Variants in AXIN1 observed in about 807,000 individuals in gnomAD.
The protein encoded by AXIN1 is axin-1.
AXIN1 carries 30 observed loss-of-function variants against 76.4 expected under a neutral mutation model. The ratio of observed to expected loss-of-function variants is 0.39; its 90% CI spans 0.29 to 0.53. The LOEUF (loss-of-function observed/expected upper bound fraction) is 0.53. Ranked by LOEUF, AXIN1 falls within the 20% of genes least tolerant of loss-of-function variation. AXIN1 has a pLI of 0.66. For missense variants in AXIN1, 1,140 were observed against 1,198.8 expected (o/e 0.95, Z 0.72); for synonymous variants, 545 against 501.4 (o/e 1.09, Z -1.16).
intron 7 of AXIN1, among the ~76,000 whole-genome samples, chr16:294,228 G>T (rs2052646736): frequency 6.6e-6 from 1 of 152,128 alleles, no homozygotes; most frequent in Non-Finnish European, 1.5e-5. Context: ...GGGAGGCCAA[G>T]GTGGGTGGAT....
At chr16:328,830 G>A (rs765298529) in intron 2 of AXIN1, among the ~76,000 whole-genome samples, 1 of 152,030 alleles carries the variant, frequency 6.6e-6, no homozygotes, top group Non-Finnish European at 1.5e-5. Context: ...GAGTGTGGCC[G>A]GGCACCCTGT....
At chr16:343,803 C>T (rs2053976639) in intron 2 of AXIN1, among the ~76,000 whole-genome samples, 1 of 151,562 alleles carries the variant, frequency 6.6e-6, no homozygotes, top group African/African-American at 2.4e-5. Flanking sequence ...TCCAGGAGCT[C>T]GAGACCATCC....
At chr16:326,457 T>C (rs1285527125) in intron 2 of AXIN1, among the ~76,000 whole-genome samples, 1 of 145,760 alleles carries the variant, frequency 6.9e-6, no homozygotes, top group East Asian at 2.1e-4. Flanking sequence ...TACTAAAAAA[T>C]GTGATTGAGA....
At chr16:303,048 G>A (rs2052916448) in intron 5 of AXIN1, among the ~76,000 whole-genome samples, 1 of 152,162 alleles carries the variant, frequency 6.6e-6, no homozygotes, top group South Asian at 2.1e-4. Context: ...TTTTTCTAGA[G>A]ACAGGAATTT....
At chr16:302,989 A>T (rs1055427406) in intron 5 of AXIN1, among the ~76,000 whole-genome samples, 1 of 151,912 alleles carries the variant, frequency 6.6e-6, no homozygotes, top group Non-Finnish European at 1.5e-5. Context: ...AGCTTCCTGA[A>T]TACCTGGGAC....
intron 2 of AXIN1, among the ~76,000 whole-genome samples, chr16:317,493 T>G (rs890724700): frequency 1.3e-5 from 2 of 152,244 alleles, no homozygotes; most frequent in Non-Finnish European, 2.9e-5. Flanking sequence ...CGAGTCCCTC[T>G]GACCCACCCA....
At chr16:297,035 G>T (rs2141501647) in intron 7 of AXIN1, 21 bp downstream of exon 7, 1 of 1,608,184 alleles carries the variant, frequency 6.2e-7, no homozygotes. Flanking sequence ...CCACGAGGCT[G>T]GCTGCGTGCG....
chr16:310,157 G>A, intron 3 of AXIN1, 88 bp from the exon 4 acceptor site: 3 of 1,249,628 alleles, frequency 2.4e-6, no homozygotes, highest in South Asian at 1.3e-5. Context: ...CCGACCGCCG[G>A]TCAGCAGGCA....
At chr16:331,525 C>T (rs1471590281) in intron 2 of AXIN1, among the ~76,000 whole-genome samples, 1 of 152,142 alleles carries the variant, frequency 6.6e-6, no homozygotes. Flanking sequence ...TTTTTTTCTG[C>T]TTCTTTTAAA....
chr16:352,293 C>A, intron 1 of AXIN1, 76 bp downstream of exon 1: 13 of 882,272 alleles, frequency 1.5e-5, no homozygotes, highest in African/African-American at 1.8e-5. Context: ...CAGCCACCCG[C>A]GCCCCCCGCC....
At position 287,824 on chromosome 16, in the gene AXIN1, G is replaced by T; in HGVS notation, c.*298C>A. The T allele has an allele frequency of 2.0e-6, 1 of 511,564 alleles. No individual in the cohort carries two copies. The highest frequency in any genetic ancestry group is 3.6e-6 in the Non-Finnish European group (1 of 281,010). 31.7% of individuals were successfully genotyped at this position (511,564 alleles called of 1,614,324 possible). The stretch of plus-strand genomic sequence containing the variant: ...ACACGTGCCCAAGGGAGGTGCCGGG[G>T]GATGGGGGGGGGTCACCTGAAGCTG... On this transcript the variant is annotated 3_prime_UTR_variant, in exon 11 of 11. Transcript: ENST00000262320.
Position 310,026 on chromosome 16 carries a change from C to T in AXIN1, c.1063G>A (p.Glu355Lys), listed in dbSNP as rs1391128540. The change falls in exon 4 of 11, where the codon GAG becomes AAG. Residue 355 changes from glutamate to lysine, a missense_variant. By Grantham distance (56) the Glu-to-Lys change is moderately conservative. This residue lies in a region of AXIN1 where 708 missense variants were observed against 776.9 expected (regional missense o/e 0.91). Transcript: ENST00000262320. ...PYRIRKQHRR[E>K]MQESVQVNGR... The stretch of plus-strand genomic sequence containing the variant: ...TTGACCTGCACGCTCTCCTGCATCT[C>T]CCTGCGGTGCTGCTTACGGATCCTG... 6.2e-6 allele frequency: 10 copies of T among 1,613,296 alleles called. No individual in the cohort carries two copies. The highest frequency in any genetic ancestry group is 2.2e-5 in the East Asian group (1 of 44,890).
intron 9 of AXIN1, 102 bp downstream of exon 9, chr16:291,088 A>G: frequency 9.1e-7 from 1 of 1,093,590 alleles, no homozygotes; most frequent in Non-Finnish European, 1.4e-6. Context: ...TGAGCGTGGT[A>G]CCCGAGCTCA....
rs1266476400 is a variant in AXIN1 at position 346,860 on chromosome 16, T to C, written c.166A>G (p.Thr56Ala). 1 of 1,613,562 alleles carries C rather than the reference T, an allele frequency of 6.2e-7. No individual in the cohort carries two copies. Among genetic ancestry groups the C allele is most frequent in the Non-Finnish European group, 8.5e-7 (1 of 1,179,514 alleles). Residue 56 changes from threonine (T) to alanine (A), a missense_variant, in exon 2 of 11, where the codon ACT becomes GCT. Thr to Ala is a moderately conservative substitution (Grantham distance 58). This residue lies in a region of AXIN1 where 708 missense variants were observed against 776.9 expected (regional missense o/e 0.91). Coordinates refer to ENST00000262320, the MANE Select transcript of AXIN1 (RefSeq NM_003502.4). ...SGKGVGIKGE[T>A]STATPRRSDL... ...GAGCGCCTCGGAGTGGCCGTCGAAG[T>C]CTCACCTTTAATGCCAACACCTTTC...
At chr16:341,669 C>CGGTG (rs1555486927) in intron 2 of AXIN1, among the ~76,000 whole-genome samples, 2 of 152,224 alleles carry the variant, frequency 1.3e-5, no homozygotes, top group African/African-American at 4.8e-5. Flanking sequence ...ACCTGCAACC[C>CGGTG]CGGTGCGGGA....
chr16:342,175 T>G (rs879450227), intron 2 of AXIN1, among the ~76,000 whole-genome samples: 9 of 151,662 alleles, frequency 5.9e-5, no homozygotes, highest in Admixed American at 2.0e-4. Flanking sequence ...ACACTGCCTT[T>G]ATGAGCTGTA....
chr16:331,636 A>G (rs996857705), intron 2 of AXIN1, among the ~76,000 whole-genome samples: 1 of 152,250 alleles, frequency 6.6e-6, no homozygotes, highest in African/African-American at 2.4e-5. Context: ...AAGCGGACGC[A>G]TAACAAAGCC....
intron 2 of AXIN1, among the ~76,000 whole-genome samples, chr16:324,883 C>A (rs560400228): frequency 6.6e-5 from 10 of 152,362 alleles, no homozygotes; most frequent in Middle Eastern, 3.4e-3. Context: ...CTGCCCAAGC[C>A]TTCAGGGAGG....
chr16:308,257 C>G (rs773610300), intron 4 of AXIN1, among the ~76,000 whole-genome samples: 1 of 152,180 alleles, frequency 6.6e-6, no homozygotes, highest in Non-Finnish European at 1.5e-5. Context: ...ACGACGACAC[C>G]AGGGACTCGC....
Sources: allele counts gnomAD v4.1 joint callset (sites outside exome capture counted in the v4.1 genomes callset), GRCh38; gene constraint gnomAD v4.1.1; regional missense constraint gnomAD v4.1.1; transcripts MANE v1.5; gene names NCBI Gene and HGNC (gene_info 2026-07-23, HGNC 2026-07-21).